SHISA6: variants seen among roughly 807,000 people sequenced by gnomAD.
SHISA6 encodes the protein shisa family member 6.
In SHISA6, 22 loss-of-function variants were observed where a neutral mutation model predicts 47.9. That is an observed-to-expected ratio of 0.46 (90% CI 0.33 to 0.66). The LOEUF (loss-of-function observed/expected upper bound fraction) is 0.66. Ranked by LOEUF, SHISA6 falls within the 30% of genes least tolerant of loss-of-function variation. The pLI, the probability that SHISA6 is intolerant of heterozygous loss-of-function variation, is 0.02. For synonymous variants in SHISA6, 388 were observed against 337.8 expected (o/e 1.15, Z -1.63); for missense variants, 680 against 764.6 (o/e 0.89, Z 1.30).
chr17:11,485,640 A>G (rs567127049), intron 3 of SHISA6, among the ~76,000 whole-genome samples: 65 of 151,922 alleles, frequency 4.3e-4, no homozygotes, highest in African/African-American at 1.5e-3. Flanking sequence ...CACAATTGTT[A>G]CAATCACGAC....
intron 3 of SHISA6, among the ~76,000 whole-genome samples, chr17:11,437,766 A>AG (rs1363841301): frequency 2.6e-5 from 4 of 152,094 alleles, no homozygotes; most frequent in African/African-American, 9.7e-5. Flanking sequence ...ATTCCATTGC[A>AG]TGTGTCCCAA....
chr17:11,367,012 G>A (rs531959862), intron 2 of SHISA6, among the ~76,000 whole-genome samples: 4 of 152,148 alleles, frequency 2.6e-5, no homozygotes, highest in South Asian at 2.1e-4. Context: ...TAAGAAGAAC[G>A]GAAAGGAGAG....
intron 2 of SHISA6, among the ~76,000 whole-genome samples, chr17:11,270,716 G>A (rs892284907): frequency 1.3e-5 from 2 of 152,186 alleles, no homozygotes; most frequent in African/African-American, 4.8e-5. Flanking sequence ...AGCAGGTAAC[G>A]GGCAGGGTTT....
At chr17:11,418,707 T>C (rs1157022973) in intron 3 of SHISA6, among the ~76,000 whole-genome samples, 2 of 152,236 alleles carry the variant, frequency 1.3e-5, no homozygotes, top group Non-Finnish European at 2.9e-5. Flanking sequence ...AGACTGTCCG[T>C]CATTTGGTTT....
At chr17:11,466,268 A>T (rs749009639) in intron 3 of SHISA6, among the ~76,000 whole-genome samples, 4 of 152,180 alleles carry the variant, frequency 2.6e-5, no homozygotes, top group Non-Finnish European at 5.9e-5. Flanking sequence ...GTTGAACTTG[A>T]GGCTGCTTGT....
intron 3 of SHISA6, among the ~76,000 whole-genome samples, chr17:11,432,283 A>T (rs1914801596): frequency 6.6e-6 from 1 of 152,178 alleles, no homozygotes; most frequent in South Asian, 2.1e-4. Flanking sequence ...AACTCTCAGT[A>T]GGGTGGACTC....
rs986240137 is a variant in SHISA6, at chr17:11,563,360, T to C, written c.*5056T>C. The C allele has an allele frequency of 6.6e-6, 1 of 152,224 alleles. No homozygotes were observed. Among genetic ancestry groups the C allele is most frequent in the Non-Finnish European group, 1.5e-5 (1 of 68,040 alleles). 9.4% of individuals were successfully genotyped at this position (152,224 alleles called of 1,614,324 possible). On this transcript the variant is annotated 3_prime_UTR_variant, in exon 6 of 6. Transcript: ENST00000441885. ...GGGGCACTCATCCCATCCTAGTACC[T>C]TTGTAGCCCTTCGTCATGACACTAC...
chr17:11,540,995 A>G (rs2071829187), intron 3 of SHISA6, among the ~76,000 whole-genome samples: 1 of 152,242 alleles, frequency 6.6e-6, no homozygotes, highest in African/African-American at 2.4e-5. Context: ...ATAAAAGTAC[A>G]GGCTTGGGAA....
intron 3 of SHISA6, among the ~76,000 whole-genome samples, chr17:11,528,228 G>T (rs2071702985): frequency 1.3e-5 from 2 of 151,888 alleles, no homozygotes; most frequent in African/African-American, 2.4e-5. Context: ...AAAATGTGCA[G>T]GATCAATATA....
chr17:11,268,542 ATTTG>A (rs1221890569), intron 2 of SHISA6, among the ~76,000 whole-genome samples: 1 of 152,054 alleles, frequency 6.6e-6, no homozygotes, highest in East Asian at 1.9e-4. Context: ...AGCACTAGGT[ATTTG>A]TTTTGTGGAA....
At chr17:11,257,609 C>T (rs1024725543) in intron 1 of SHISA6, among the ~76,000 whole-genome samples, 66 of 149,310 alleles carry the variant, frequency 4.4e-4, no homozygotes, top group Admixed American at 8.8e-4. Context: ...TGCAGCGAGC[C>T]GTGATCTCAC....
chr17:11,481,215 G>A (rs1379538653), intron 3 of SHISA6, among the ~76,000 whole-genome samples: 1 of 151,860 alleles, frequency 6.6e-6, no homozygotes, highest in Admixed American at 6.6e-5. Flanking sequence ...GGAGGCAGAG[G>A]TTGCAGTGAG....
At position 11,511,880 on chromosome 17, in the gene SHISA6, G is replaced by GC. The variant is rs1436260388; in HGVS notation, c.896-40013dup. On this transcript the variant is annotated intron_variant, in intron 3 of 5. Coordinates refer to ENST00000441885, the MANE Select transcript of SHISA6 (RefSeq NM_207386.4). ...CACATGGCTGCTAACAGCCAGCCCA[G>GC]CCCTGGATGTGTACACAAGCCAGAA... 3.9e-5 allele frequency among the ~76,000 whole-genome samples: 6 copies of GC among 152,332 alleles called. No homozygotes were observed. In the East Asian group the frequency reaches 7.7e-4, roughly 20 times the overall value.
intron 3 of SHISA6, among the ~76,000 whole-genome samples, chr17:11,445,198 T>C (rs1224353453): frequency 6.6e-6 from 1 of 152,036 alleles, no homozygotes; most frequent in Non-Finnish European, 1.5e-5. Flanking sequence ...GCAAGAGAGC[T>C]CTTTTCGGCT....
intron 3 of SHISA6, among the ~76,000 whole-genome samples, chr17:11,525,646 A>C (rs1317530987): frequency 5.3e-5 from 5 of 94,310 alleles, no homozygotes; most frequent in Admixed American, 2.5e-4. Flanking sequence ...AAAAAAAAAA[A>C]AAAAACAAAA....
At chr17:11,333,861 T>C (rs1003084774) in intron 2 of SHISA6, among the ~76,000 whole-genome samples, 15 of 151,792 alleles carry the variant, frequency 9.9e-5, no homozygotes, top group African/African-American at 3.6e-4. Context: ...CAATGGAGGG[T>C]GGTATTCAGA....
intron 2 of SHISA6, among the ~76,000 whole-genome samples, chr17:11,277,871 C>T (rs765176553): frequency 1.3e-5 from 2 of 152,146 alleles, no homozygotes; most frequent in Admixed American, 6.5e-5. Context: ...GATCATACCT[C>T]GTTTCTTTAA....
Position 11,557,833 on chromosome 17 carries a change from T to C in SHISA6, c.1185T>C (p.Asn395=), listed in dbSNP as rs2071996639. ...CTGCCCGCGGCACCCTCCCCCTCAA[T>C]GTCATCCAGATGTCCCAACAGAAGC... is the stretch of plus-strand genomic sequence containing the variant. The part of the protein sequence containing the change: ...DLAARGTLPL[N]VIQMSQQKPL... The change falls in exon 6 of 6, where the codon AAT becomes AAC. Residue 395 remains asparagine (N), a synonymous_variant. Transcript: ENST00000441885. The C allele has an allele frequency of 1.9e-6, 3 of 1,551,296 alleles. No individual in the cohort carries two copies. The highest frequency in any genetic ancestry group is 2.6e-6 in the Non-Finnish European group (3 of 1,146,968).
intron 2 of SHISA6, among the ~76,000 whole-genome samples, chr17:11,362,342 G>A (rs1912316661): frequency 6.6e-6 from 1 of 152,120 alleles, no homozygotes; most frequent in Non-Finnish European, 1.5e-5. Flanking sequence ...AGCTCACTAT[G>A]TTGTCCAAGC....
Sources: gnomAD v4.1 joint callset for allele counts (sites outside exome capture counted in the v4.1 genomes callset) on GRCh38, gnomAD v4.1.1 for gene constraint, MANE v1.5 for transcripts, NCBI Gene and HGNC (gene_info 2026-07-23, HGNC 2026-07-21) for gene names.